Variants in C6orf132 observed in about 807,000 individuals in gnomAD.
C6orf132 encodes uncharacterized protein C6orf132.
C6orf132 carries 43 observed loss-of-function variants against 65.3 expected under a neutral mutation model. The observed-to-expected ratio is 0.66, with a 90% CI of 0.52 to 0.85. The LOEUF is 0.85. Among genes scored for constraint, C6orf132 ranks in the 40% least tolerant of loss-of-function variants. The pLI, the probability that C6orf132 is intolerant of heterozygous loss-of-function variation, is 0.00. For synonymous variants in C6orf132, 631 were observed against 654.1 expected (o/e 0.96, Z 0.54); for missense variants, 1,488 against 1,548.8 (o/e 0.96, Z 0.66).
At chr6:42,126,875 C>CG in intron 2 of C6orf132, 1 of 421,488 alleles carries the variant, frequency 2.4e-6, no homozygotes. Flanking sequence ...ATATTTCAAA[C>CG]AATTTTATCT....
chr6:42,106,144 G>A lies in C6orf132; in HGVS notation c.1768C>T (p.Pro590Ser). The stretch of plus-strand genomic sequence containing the variant: ...CCCCCTTCTAGCCGAGGCTTAGGGG[G>A]CAGAGATCCTATGCTGGGCTTAGCC... ...KEAKPSIGSL[P>S]PKPRLEGGRI... Residue 590 changes from proline to serine, a missense_variant, in exon 4 of 5, where the codon CCC becomes TCC. Physicochemically the swap from Pro to Ser is moderately conservative, Grantham distance 74. Transcript: ENST00000341865. 6.5e-7 allele frequency: 1 copy of A among 1,537,270 alleles called. No individual in the cohort carries two copies. Among genetic ancestry groups the A allele is most frequent in the Non-Finnish European group, 8.7e-7 (1 of 1,146,916 alleles).
rs1185352736 is a variant in C6orf132, at chr6:42,106,724, C to T, written c.1188G>A (p.Leu396=). The stretch of plus-strand genomic sequence containing the variant: ...GAGGGAGGGGGGGTGCAGGAGGGGG[C>T]AGGGGAGGGGCTGGAGGCGGAGTCC... ...RAGTPPPAPP[L]PPPAPPLPPP... is the part of the protein sequence containing the mutation. Residue 396 remains leucine (L), a synonymous_variant, in exon 4 of 5, where the codon CTG becomes CTA. Coordinates refer to ENST00000341865, the MANE Select transcript of C6orf132 (RefSeq NM_001164446.3). The T allele has an allele frequency of 2.2e-5, 26 of 1,164,962 alleles. No individual in the cohort carries two copies. Among genetic ancestry groups the T allele is most frequent in the South Asian group, 5.2e-5 (2 of 38,282 alleles). 72.2% of individuals were successfully genotyped at this position (1,164,962 alleles called of 1,614,324 possible). A position where few individuals can be genotyped will look rare whatever the true frequency, so the allele number is the denominator to read the frequency against.
Position 42,105,564 on chromosome 6 carries a change from G to A in C6orf132, c.2348C>T (p.Ala783Val). The change falls in exon 4 of 5, where the codon GCT becomes GTT. Residue 783 changes from alanine to valine, a missense_variant. Transcript: ENST00000341865. ...CHQSSLSREV[A>V]VVMPTLARGG... ...TCTGGCCAGGGTGGGCATCACCACA[G>A]CAACCTCACGGCTGAGGCTGCTCTG... 1.3e-6 allele frequency: 2 copies of A among 1,536,442 alleles called. No individual in the cohort carries two copies. The highest frequency in any genetic ancestry group is 1.7e-6 in the Non-Finnish European group (2 of 1,146,630).
intron 2 of C6orf132, among the ~76,000 whole-genome samples, chr6:42,117,476 A>AGAG (rs1006327747): frequency 6.6e-6 from 1 of 152,066 alleles, no homozygotes. Context: ...CTATAGACAT[A>AGAG]GAGTTGATGA....
In C6orf132 at chr6:42,104,841, G is replaced by C. The variant is rs890678218; in HGVS notation, c.3071C>G (p.Pro1024Arg). 1.4e-5 allele frequency: 20 copies of C among 1,457,618 alleles called. No homozygotes were observed. Among genetic ancestry groups the C allele is most frequent in the Non-Finnish European group, 1.6e-5 (18 of 1,111,934 alleles). The allele number at this position is 1,457,618 out of a possible 1,614,324, so 90.3% of individuals were successfully genotyped here. A position where few individuals can be genotyped will look rare whatever the true frequency, so the allele number is the denominator to read the frequency against. The change falls in exon 4 of 5, where the codon CCG (proline) becomes CGG (arginine). Residue 1024 changes from proline to arginine, a missense_variant. Pro to Arg is a moderately radical substitution (Grantham distance 103, BLOSUM62 -2). Coordinates refer to ENST00000341865, the MANE Select transcript of C6orf132 (RefSeq NM_001164446.3). This position sits in a 1 kb window ranked among gnomAD's most constrained non-coding sequence, Gnocchi z 4.1. ...CGGGGGCGCCCCGGGGCCAGCGTTCGGGAGCTGCCTCAAGTCTGAGTAGTT... is the reference window on the plus strand; with the variant it reads ...CGGGGGCGCCCCGGGGCCAGCGTTCCGGAGCTGCCTCAAGTCTGAGTAGTT... Reference protein sequence around the residue: ...RNNYSDLRQLPNAGPGAPPAL... With the variant: ...RNNYSDLRQLRNAGPGAPPAL...
chr6:42,114,878 G>A (rs1161495529), intron 2 of C6orf132, among the ~76,000 whole-genome samples: 2 of 152,006 alleles, frequency 1.3e-5, no homozygotes, highest in African/African-American at 4.8e-5. Context: ...GGTGGCAAGC[G>A]ACTGTAATCC....
Position 42,104,411 on chromosome 6 carries a change from C to A in C6orf132, c.3449+52G>T. 8.1e-7 allele frequency: 1 copy of A among 1,228,502 alleles called. No individual in the cohort carries two copies. Among genetic ancestry groups the A allele is most frequent in the Non-Finnish European group, 1.0e-6 (1 of 986,098 alleles). 76.1% of individuals were successfully genotyped at this position (1,228,502 alleles called of 1,614,324 possible). On this transcript the variant is annotated intron_variant, in intron 4 of 4. Transcript: ENST00000341865. The surrounding 1 kb of genome is among the most constrained non-coding windows in gnomAD (Gnocchi z 4.1). ...GATGGCCGGGACTCCTTGGCCCTCGCCTGGCTTTCCACCCCTCCTGGCTTC... is the reference window on the plus strand; with the variant it reads ...GATGGCCGGGACTCCTTGGCCCTCGACTGGCTTTCCACCCCTCCTGGCTTC...
At chr6:42,138,122 C>T (rs1303445487) in intron 1 of C6orf132, among the ~76,000 whole-genome samples, 1 of 152,100 alleles carries the variant, frequency 6.6e-6, no homozygotes, top group Non-Finnish European at 1.5e-5. Flanking sequence ...AGGTGGGACC[C>T]TAGGAATTTG....
intron 2 of C6orf132, among the ~76,000 whole-genome samples, chr6:42,114,009 G>T (rs1044608686): frequency 6.6e-5 from 10 of 152,238 alleles, no homozygotes; most frequent in Non-Finnish European, 1.3e-4. Flanking sequence ...TAAGCTCCCT[G>T]TAAGTCTAGT....
At chr6:42,119,503 C>T (rs1766646024) in intron 2 of C6orf132, among the ~76,000 whole-genome samples, 1 of 151,494 alleles carries the variant, frequency 6.6e-6, no homozygotes, top group African/African-American at 2.4e-5. Flanking sequence ...TACCACCACA[C>T]CTGGCTCATT....
chr6:42,116,232 T>C (rs568296466), intron 2 of C6orf132, among the ~76,000 whole-genome samples: 22 of 152,152 alleles, frequency 1.4e-4, no homozygotes, highest in Non-Finnish European at 2.6e-4. Context: ...CCAGCCTCTT[T>C]CAGCACTTTC....
intron 1 of C6orf132, 36 bp from the exon 2 acceptor site, chr6:42,128,814 A>G: frequency 6.7e-7 from 1 of 1,483,222 alleles, no homozygotes; most frequent in South Asian, 1.2e-5. Context: ...CATAAGCTGG[A>G]GATCCAAGGC....
At chr6:42,118,954 G>A (rs1184648204) in intron 2 of C6orf132, among the ~76,000 whole-genome samples, 12 of 132,778 alleles carry the variant, frequency 9.0e-5, no homozygotes, top group Non-Finnish European at 1.8e-4. Context: ...GCTCACCGCA[G>A]CCTCAAATTC....
intron 2 of C6orf132, among the ~76,000 whole-genome samples, chr6:42,111,622 G>A (rs1173429175): frequency 6.6e-6 from 1 of 151,886 alleles, no homozygotes. Context: ...ATGTGGTTTC[G>A]TCATGTCTCC....
chr6:42,118,450 C>A (rs75544683), intron 2 of C6orf132, among the ~76,000 whole-genome samples: 1 of 152,332 alleles, frequency 6.6e-6, no homozygotes, highest in Non-Finnish European at 1.5e-5. Flanking sequence ...AAATGACAGA[C>A]TTAGGAGCCC....
Position 42,127,738 on chromosome 6 carries a change from G to A in C6orf132, c.252+934C>T, listed in dbSNP as rs528968870. 5.9e-5 allele frequency among the ~76,000 whole-genome samples: 9 copies of A among 152,286 alleles called. No homozygotes were observed. In the East Asian group the frequency reaches 1.7e-3, roughly 29 times the overall value. Reference sequence around the variant, plus strand: ...TTAAATCTAGGAGCCTGGCTGTTTAGGCCTGGGCTGTCTAGTACAGCAGCC... The same window carrying A: ...TTAAATCTAGGAGCCTGGCTGTTTAAGCCTGGGCTGTCTAGTACAGCAGCC... On this transcript the variant is annotated intron_variant, in intron 2 of 4. Coordinates refer to ENST00000341865, the MANE Select transcript of C6orf132 (RefSeq NM_001164446.3).
Position 42,103,771 on chromosome 6 carries a change from G to A in C6orf132, c.3557C>T (p.Ala1186Val). Residue 1186 changes from alanine to valine, a missense_variant, in exon 5 of 5, where the codon GCC (alanine) becomes GTC (valine). Coordinates refer to ENST00000341865, the MANE Select transcript of C6orf132 (RefSeq NM_001164446.3). ...AAGAGAACCCCTGGCTCAGGAGGTG[G>A]CTTTCCGATGGGCCCCTGAGCAGAC... ...SYVCSGAHRK[A>V]TS 1 of 1,419,388 alleles carries A rather than the reference G, an allele frequency of 7.0e-7. No individual in the cohort carries two copies. Among genetic ancestry groups the A allele is most frequent in the South Asian group, 1.5e-5 (1 of 67,858 alleles). The allele number at this position is 1,419,388 out of a possible 1,614,324, so 87.9% of individuals were successfully genotyped here.
intron 3 of C6orf132, among the ~76,000 whole-genome samples, chr6:42,108,987 C>A (rs1465738120): frequency 6.6e-6 from 1 of 152,114 alleles, no homozygotes; most frequent in Non-Finnish European, 1.5e-5. Context: ...AAAAAACCAA[C>A]AAAACAAAAA....
At chr6:42,117,923 C>CAAACAA (rs1766606678) in intron 2 of C6orf132, among the ~76,000 whole-genome samples, 3 of 62,320 alleles carry the variant, frequency 4.8e-5, no homozygotes, top group African/African-American at 6.0e-5. Flanking sequence ...AACCCTGTCA[C>CAAACAA]AAAAAAAAAA....
Sources: gnomAD v4.1 joint callset for allele counts (sites outside exome capture counted in the v4.1 genomes callset) on GRCh38, gnomAD v4.1.1 for gene constraint, Gnocchi (gnomAD v3.1) non-coding constraint, MANE v1.5 for transcripts, NCBI Gene and HGNC (gene_info 2026-07-23, HGNC 2026-07-21) for gene names.